The following ICA1L variants were observed in gnomAD, a reference collection of about 807,000 sequenced individuals.
The protein encoded by ICA1L is islet cell autoantigen 1-like protein.
In ICA1L, 50 loss-of-function variants were observed where a neutral mutation model predicts 61.3. The observed-to-expected ratio is 0.82, with a 90% confidence interval of 0.65 to 1.03. The LOEUF (loss-of-function observed/expected upper bound fraction) is 1.03, where lower values mean the gene tolerates loss of function less well. Ranked by LOEUF, ICA1L falls within the 50% of genes least tolerant of loss-of-function variation. The pLI is 0.00. For synonymous variants in ICA1L, 161 were observed against 191.3 expected (o/e 0.84, Z 1.31); for missense variants, 508 against 556.7 (o/e 0.91, Z 0.88).
intron 1 of ICA1L, among the ~76,000 whole-genome samples, chr2:202,867,581 T>C (rs1687553229): frequency 2.6e-5 from 4 of 152,202 alleles, no homozygotes; most frequent in Admixed American, 2.6e-4. Flanking sequence ...AAAACACCTT[T>C]ATGCAGTATA....
chr2:202,782,753 T>G (rs1413864104), intron 12 of ICA1L, among the ~76,000 whole-genome samples: 1 of 149,792 alleles, frequency 6.7e-6, no homozygotes, highest in Non-Finnish European at 1.5e-5. Flanking sequence ...TGGTGAGAAG[T>G]TTTTTTTTTC....
At chr2:202,802,654 T>A (rs2105835435) in intron 9 of ICA1L, among the ~76,000 whole-genome samples, 1 of 151,570 alleles carries the variant, frequency 6.6e-6, no homozygotes, top group East Asian at 1.9e-4. Context: ...AAAAAAAAAG[T>A]ATCTAAACTA....
intron 1 of ICA1L, chr2:202,840,407 C>A: frequency 2.1e-6 from 1 of 485,834 alleles, no homozygotes. Flanking sequence ...AACTATGGCC[C>A]TGGTGAAGCT....
chr2:202,858,317 T>C (rs934635778), intron 1 of ICA1L, among the ~76,000 whole-genome samples: 1 of 152,238 alleles, frequency 6.6e-6, no homozygotes, highest in Admixed American at 6.5e-5. Flanking sequence ...TCATGTCCTT[T>C]GCAGGGACAT....
At chr2:202,787,794 G>A (rs1040084644) in intron 11 of ICA1L, among the ~76,000 whole-genome samples, 1 of 152,198 alleles carries the variant, frequency 6.6e-6, no homozygotes, top group Non-Finnish European at 1.5e-5. Context: ...TATAAAGCAA[G>A]ATAAAGTAGG....
At chr2:202,795,745 A>T (rs1383690339) in intron 10 of ICA1L, among the ~76,000 whole-genome samples, 2 of 152,138 alleles carry the variant, frequency 1.3e-5, no homozygotes, top group African/African-American at 2.4e-5. Flanking sequence ...ATGGCATTTT[A>T]AAAAATTATA....
rs888496345 is a variant in ICA1L, at chr2:202,773,307, C to T, written c.*6226G>A. 18 of 153,618 alleles carry T rather than the reference C, an allele frequency of 1.2e-4. No individual in the cohort carries two copies. The highest frequency in any genetic ancestry group is 2.5e-4 in the Non-Finnish European group (17 of 69,034). 9.5% of individuals were successfully genotyped at this position (153,618 alleles called of 1,614,324 possible). ...CACATTCGTTCAAATGCATTTCTTT[C>T]CCTTAGAGGGACTATTCCAACATCA... On this transcript the variant is annotated 3_prime_UTR_variant, in exon 13 of 13. Transcript: ENST00000358299.
At chr2:202,788,555 A>T (rs1483585885) in intron 11 of ICA1L, among the ~76,000 whole-genome samples, 1 of 152,124 alleles carries the variant, frequency 6.6e-6, no homozygotes, top group African/African-American at 2.4e-5. Flanking sequence ...AGTAATTAGC[A>T]GGTCAAGTGT....
intron 3 of ICA1L, 21 bp downstream of exon 3, chr2:202,825,670 CAGAT>C (rs1410978225): frequency 1.4e-6 from 2 of 1,389,722 alleles, no homozygotes; most frequent in East Asian, 2.3e-5. Flanking sequence ...TGGGGATTAT[CAGAT>C]AGATAACTAT....
At position 202,815,821 on chromosome 2, in the gene ICA1L, T is replaced by G. The variant is rs934313343; in HGVS notation, c.783+90A>C. On this transcript the variant is annotated intron_variant, in intron 7 of 12. Transcript: ENST00000358299. ...TCTCAATGTTTTGTAAATTTTAAAT[T>G]AACCTTGGTTAAAAAAAAAAAAAGT... 4 of 727,526 alleles carry G rather than the reference T, an allele frequency of 5.5e-6. No homozygotes were observed. In the Admixed American group the frequency reaches 9.4e-5, roughly 17 times the overall value. The allele number at this position is 727,526 out of a possible 1,614,324, so 45.1% of individuals were successfully genotyped here. A position where few individuals can be genotyped will look rare whatever the true frequency, so the allele number is the denominator to read the frequency against.
intron 8 of ICA1L, among the ~76,000 whole-genome samples, chr2:202,814,197 G>A (rs1393535051): frequency 6.6e-6 from 1 of 152,204 alleles, no homozygotes; most frequent in Non-Finnish European, 1.5e-5. Context: ...CAACGTGGGA[G>A]TATTGGGAGG....
At chr2:202,833,479 G>C (rs1412724252) in intron 1 of ICA1L, among the ~76,000 whole-genome samples, 1 of 152,160 alleles carries the variant, frequency 6.6e-6, no homozygotes, top group African/African-American at 2.4e-5. Context: ...CAGCTACTCA[G>C]GAGGCTGAGG....
At chr2:202,852,671 C>G (rs1172755658) in intron 1 of ICA1L, among the ~76,000 whole-genome samples, 9 of 42,194 alleles carry the variant, frequency 2.1e-4, no homozygotes, top group Non-Finnish European at 3.8e-4. Context: ...GACTCTGTCT[C>G]AAAAAAAAAA....
chr2:202,808,548 G>A (rs528070332), intron 9 of ICA1L, among the ~76,000 whole-genome samples: 267 of 152,272 alleles, frequency 1.8e-3, no homozygotes, highest in South Asian at 4.6e-3. Context: ...TGAAGAGAAC[G>A]ACACAAGCCA....
chr2:202,819,880 G>C lies in ICA1L; in HGVS notation c.379C>G (p.Leu127Val), dbSNP rs1238740686. 1 of 1,614,006 alleles carries C rather than the reference G, an allele frequency of 6.2e-7. No individual in the cohort carries two copies. The highest frequency in any genetic ancestry group is 2.2e-5 in the East Asian group (1 of 44,868). Residue 127 changes from leucine (L) to valine (V), a missense_variant, in exon 5 of 13, where the codon CTG becomes GTG. Coordinates refer to ENST00000358299, the MANE Select transcript of ICA1L (RefSeq NM_001288622.3). ...AKQRLALCTP[L>V]SRLKQEVATF... ...GCTACTTCTTGCTTCAGACGAGACA[G>C]AGGAGTACACAGGGCCAATCTAATG...
At chr2:202,805,731 C>T (rs1324112094) in intron 9 of ICA1L, among the ~76,000 whole-genome samples, 1 of 151,334 alleles carries the variant, frequency 6.6e-6, no homozygotes, top group African/African-American at 2.4e-5. Context: ...CAAGATTAAT[C>T]AAGAAAAAAG....
At chr2:202,798,351 T>C (rs1692995504) in intron 9 of ICA1L, among the ~76,000 whole-genome samples, 1 of 152,148 alleles carries the variant, frequency 6.6e-6, no homozygotes, top group African/African-American at 2.4e-5. Context: ...CCTCAGTAGC[T>C]GGGACTCATC....
At chr2:202,826,813 T>C (rs1019790852) in intron 2 of ICA1L, among the ~76,000 whole-genome samples, 4 of 152,118 alleles carry the variant, frequency 2.6e-5, no homozygotes, top group African/African-American at 7.2e-5. Context: ...TTATGTGACT[T>C]AGTTCAAGAA....
intron 9 of ICA1L, among the ~76,000 whole-genome samples, chr2:202,797,324 T>G (rs1211207917): frequency 1.3e-5 from 2 of 152,156 alleles, no homozygotes. Context: ...CTGATCTCCA[T>G]GCCTTGACAC....
Sources: gnomAD v4.1 joint callset for allele counts (sites outside exome capture counted in the v4.1 genomes callset) on GRCh38, gnomAD v4.1.1 for gene constraint, MANE v1.5 for transcripts, NCBI Gene and HGNC (gene_info 2026-07-23, HGNC 2026-07-21) for gene names.